The following RBFOX2 variants were observed in gnomAD, a reference collection of about 807,000 sequenced individuals.
RBFOX2 encodes the protein RNA binding fox-1 homolog 2.
A neutral mutation model predicts 49.1 loss-of-function variants in RBFOX2; 10 were observed. The ratio of observed to expected loss-of-function variants is 0.20; its 90% confidence interval spans 0.13 to 0.35. The LOEUF is 0.35. RBFOX2 is among the 10% of genes least tolerant of loss of function. The probability of loss-of-function intolerance (pLI) is 1.00; values close to 1 mark genes in which losing one functional copy is unlikely to be tolerated. For missense variants in RBFOX2, 323 were observed against 486.9 expected, an observed-to-expected ratio of 0.66 and a Z score of 3.17; for synonymous variants, 183 against 187.4, an observed-to-expected ratio of 0.98 and a Z score of 0.19.
intron 1 of RBFOX2, among the ~76,000 whole-genome samples, chr22:35,865,602 T>C (rs2043587295): frequency 6.6e-6 from 1 of 150,826 alleles, no homozygotes; most frequent in Non-Finnish European, 1.5e-5. Flanking sequence ...GGGATTCACT[T>C]TGATAGAAGA....
intron 1 of RBFOX2, chr22:35,897,141 T>C (rs913510673): frequency 4.7e-5 from 25 of 531,020 alleles, no homozygotes; most frequent in Admixed American, 3.4e-4. Context: ...TAACCTCAAA[T>C]GTTTTAATGG....
intron 1 of RBFOX2, among the ~76,000 whole-genome samples, chr22:35,860,654 TTTTGGCTATTCTAGGTC>T (rs1177374664): frequency 6.6e-6 from 1 of 152,190 alleles, no homozygotes; most frequent in African/African-American, 2.4e-5. Context: ...TTCAAAGTTG[TTTTGGCTATTCTAGGTC>T]TTTGGCATTT....
At chr22:35,969,677 G>A (rs1031413073) in intron 1 of RBFOX2, among the ~76,000 whole-genome samples, 29 of 152,278 alleles carry the variant, frequency 1.9e-4, no homozygotes, top group African/African-American at 7.0e-4. Flanking sequence ...TATATCAGAG[G>A]CAGGAAGTTA....
intron 1 of RBFOX2, among the ~76,000 whole-genome samples, chr22:35,984,788 C>T (rs1603462063): frequency 6.6e-6 from 1 of 152,236 alleles, no homozygotes; most frequent in South Asian, 2.1e-4. Flanking sequence ...CTCTGCTCAC[C>T]CCAGTATCTA....
At chr22:35,854,733 A>C (rs770776105) in intron 1 of RBFOX2, among the ~76,000 whole-genome samples, 8 of 152,192 alleles carry the variant, frequency 5.3e-5, no homozygotes, top group Non-Finnish European at 1.0e-4. Flanking sequence ...AAAATGTCAA[A>C]ATAATGTAAT....
chr22:36,026,462 T>C (rs931236466), intron 1 of RBFOX2, among the ~76,000 whole-genome samples: 4 of 151,506 alleles, frequency 2.6e-5, no homozygotes, highest in African/African-American at 9.7e-5. Flanking sequence ...CAACAGATAA[T>C]AGGCCCCAGG....
chr22:36,028,395 G>A (rs1159918433), exon 1 of RBFOX2: 4 of 1,257,716 alleles, frequency 3.2e-6, no homozygotes, highest in South Asian at 3.1e-5. Flanking sequence ...CCGAGCTGAG[G>A]CGGCTGATGC....
chr22:35,930,430 T>C (rs1444045858), intron 1 of RBFOX2, among the ~76,000 whole-genome samples: 1 of 152,168 alleles, frequency 6.6e-6, no homozygotes, highest in Non-Finnish European at 1.5e-5. Context: ...AATATTTTGT[T>C]TGGATATAAA....
chr22:35,977,108 AAATAC>A (rs1482418841), intron 1 of RBFOX2, among the ~76,000 whole-genome samples: 3 of 152,230 alleles, frequency 2.0e-5, no homozygotes, highest in African/African-American at 7.2e-5. Flanking sequence ...ATATTTAGGA[AAATAC>A]AAATTGAAGC....
chr22:35,746,630 G>A lies in RBFOX2; in HGVS notation c.888-69C>T, dbSNP rs545905298. 15 of 951,000 alleles carry A rather than the reference G, an allele frequency of 1.6e-5. No homozygotes were observed. The Admixed American group carries it at 2.2e-4, about 14-fold the overall frequency. The allele number at this position is 951,000 out of a possible 1,614,324, so 58.9% of individuals were successfully genotyped here. On this transcript the variant is annotated intron_variant, in intron 9 of 11. Transcript: ENST00000405409. ...CAGGTGTACAGAAAAACACACACCC[G>A]CCCACACACAGACGTACACACATGT... is the stretch of plus-strand genomic sequence containing the variant.
exon 12 of RBFOX2, chr22:35,743,323 A>C (rs1601965781): frequency 1.3e-5 from 2 of 152,166 alleles, no homozygotes; most frequent in African/African-American, 4.8e-5. Context: ...TCTTATGGAC[A>C]TGAGAGCAGG....
intron 1 of RBFOX2, among the ~76,000 whole-genome samples, chr22:35,829,845 C>T (rs978114155): frequency 1.3e-5 from 2 of 152,196 alleles, no homozygotes; most frequent in South Asian, 4.2e-4. Context: ...TCCCCAGTTG[C>T]GGGAGTCATG....
At chr22:36,022,453 A>G (rs1280151652) in intron 1 of RBFOX2, among the ~76,000 whole-genome samples, 1 of 152,232 alleles carries the variant, frequency 6.6e-6, no homozygotes, top group Non-Finnish European at 1.5e-5. Flanking sequence ...CTCTTGAGTC[A>G]CCCTGAAGAA....
intron 9 of RBFOX2, among the ~76,000 whole-genome samples, chr22:35,752,268 A>G (rs1450328748): frequency 1.3e-5 from 2 of 152,176 alleles, no homozygotes; most frequent in South Asian, 4.1e-4. Flanking sequence ...AATGTCCCCA[A>G]CTGCTAAGAT....
At chr22:35,932,964 C>T (rs893716780) in intron 1 of RBFOX2, among the ~76,000 whole-genome samples, 3 of 152,130 alleles carry the variant, frequency 2.0e-5, no homozygotes, top group Admixed American at 6.6e-5. Context: ...AGATAGAAAA[C>T]TTGACAGAAA....
chr22:35,744,279 A>G, intron 11 of RBFOX2, 30 bp from the exon 14 acceptor site: 1 of 1,590,504 alleles, frequency 6.3e-7, no homozygotes, highest in South Asian at 1.1e-5. Flanking sequence ...AAAAATAATT[A>G]AAAGGTTGAT....
At chr22:35,783,239 G>A (rs1347298712) in intron 2 of RBFOX2, among the ~76,000 whole-genome samples, 1 of 152,092 alleles carries the variant, frequency 6.6e-6, no homozygotes, top group East Asian at 1.9e-4. Flanking sequence ...GACAGAACAG[G>A]GAGCTCTCCG....
At chr22:35,792,346 AAAAGAAAAG>A (rs1947909242) in intron 2 of RBFOX2, among the ~76,000 whole-genome samples, 1 of 106,114 alleles carries the variant, frequency 9.4e-6, no homozygotes, top group Admixed American at 8.3e-5. Context: ...AAAAGAAAAG[AAAAGAAAAG>A]AAAAGAAAAG....
At chr22:35,945,890 T>C (rs1469092725) in intron 1 of RBFOX2, among the ~76,000 whole-genome samples, 1 of 152,188 alleles carries the variant, frequency 6.6e-6, no homozygotes, top group South Asian at 2.1e-4. Flanking sequence ...AACTGTTAAC[T>C]AGTAAACTAA....
Sources: allele counts gnomAD v4.1 joint callset (sites outside exome capture counted in the v4.1 genomes callset), GRCh38; gene constraint gnomAD v4.1.1; transcripts MANE v1.5; gene names NCBI Gene and HGNC (gene_info 2026-07-23, HGNC 2026-07-21).